Variants in LDLRAD3 observed in about 807,000 individuals in gnomAD.
LDLRAD3 encodes low-density lipoprotein receptor class A domain-containing protein 3.
A neutral mutation model predicts 29.4 loss-of-function variants in LDLRAD3; 20 were observed. That is an observed-to-expected ratio of 0.68 (90% CI 0.48 to 0.99). The LOEUF (loss-of-function observed/expected upper bound fraction) is 0.99. Ranked by LOEUF, LDLRAD3 falls within the 50% of genes least tolerant of loss-of-function variation. The probability of loss-of-function intolerance (pLI) is 0.00; values close to 1 mark genes in which losing one functional copy is unlikely to be tolerated. For missense variants in LDLRAD3, 420 were observed against 454.3 expected, an observed-to-expected ratio of 0.92 and a Z score of 0.69; for synonymous variants, 157 against 192.7, an observed-to-expected ratio of 0.81 and a Z score of 1.53.
chr11:36,060,075 C>T (rs1341543256), intron 2 of LDLRAD3, among the ~76,000 whole-genome samples: 1 of 152,198 alleles, frequency 6.6e-6, no homozygotes, highest in Admixed American at 6.5e-5. Flanking sequence ...TATAACTCAG[C>T]TGGGTGAGGT....
chr11:35,982,267 G>A lies in LDLRAD3; in HGVS notation c.46+38123G>A, dbSNP rs142535049. Among the ~76,000 whole-genome samples, 816 of 152,142 alleles carry A rather than the reference G, an allele frequency of 5.4e-3. 28 individuals are homozygous for A. The highest frequency in any genetic ancestry group is 0.046 in the Admixed American group (709 of 15,286). ...CCGTGGCTTTCTGGCACTCTTTGTC[G>A]TTCCTTGGGCAGCATTCCCTTGGTC... On this transcript the variant is annotated intron_variant, in intron 1 of 5. Transcript: ENST00000315571.
chr11:36,054,769 GGATA>G (rs1374797777), intron 2 of LDLRAD3, among the ~76,000 whole-genome samples: 4 of 151,224 alleles, frequency 2.6e-5, no homozygotes, highest in African/African-American at 4.9e-5. Flanking sequence ...ATGGATGGAT[GGATA>G]GATGGATGGA....
intron 4 of LDLRAD3, among the ~76,000 whole-genome samples, chr11:36,119,785 G>A (rs1461212721): frequency 2.0e-5 from 3 of 152,132 alleles, no homozygotes; most frequent in East Asian, 1.9e-4. Context: ...CTGAGTTGTC[G>A]TTTCACATTC....
chr11:35,979,324 C>T (rs1279036136), intron 1 of LDLRAD3, among the ~76,000 whole-genome samples: 2 of 152,160 alleles, frequency 1.3e-5, no homozygotes, highest in Non-Finnish European at 2.9e-5. Flanking sequence ...TGCAAAAAAA[C>T]ACTTAGCTGC....
chr11:36,025,564 A>G (rs1192370230), intron 1 of LDLRAD3, among the ~76,000 whole-genome samples: 2 of 150,940 alleles, frequency 1.3e-5, no homozygotes, highest in Admixed American at 1.3e-4. Flanking sequence ...AATTTTTTGT[A>G]TTTTTTAGTA....
intron 1 of LDLRAD3, among the ~76,000 whole-genome samples, chr11:36,015,361 T>G (rs899004673): frequency 1.4e-5 from 2 of 138,790 alleles, no homozygotes; most frequent in Non-Finnish European, 3.1e-5. Flanking sequence ...CCCTTGTCAT[T>G]GCATTGTGAA....
chr11:35,968,456 G>A, intron 1 of LDLRAD3: 1 of 376,632 alleles, frequency 2.7e-6, no homozygotes, highest in Middle Eastern at 4.3e-4. Flanking sequence ...GTGTGACACT[G>A]GAGTCCTCAA....
Position 36,229,497 on chromosome 11 carries a change from T to C in LDLRAD3, c.*100T>C. On this transcript the variant is annotated 3_prime_UTR_variant, in exon 6 of 6. Coordinates refer to ENST00000315571, the MANE Select transcript of LDLRAD3 (RefSeq NM_174902.4). ...GAAGCTCTTTAAGCACCTGTAAGGG[T>C]GTCTCAAGTTACAGTTTGGGATATT... 1.3e-6 allele frequency: 1 copy of C among 766,760 alleles called. No individual in the cohort carries two copies. Among genetic ancestry groups the C allele is most frequent in the Non-Finnish European group, 2.2e-6 (1 of 460,256 alleles). The allele number at this position is 766,760 out of a possible 1,614,324, so 47.5% of individuals were successfully genotyped here.
At chr11:36,221,907 C>G (rs58707777) in intron 4 of LDLRAD3, among the ~76,000 whole-genome samples, 10,206 of 152,114 alleles carry the variant, frequency 0.067, 442 homozygotes, top group East Asian at 0.2. Context: ...ATATCCTTCT[C>G]ATGGTTCCAT....
At chr11:35,987,348 C>T (rs1364553475) in intron 1 of LDLRAD3, among the ~76,000 whole-genome samples, 4 of 152,114 alleles carry the variant, frequency 2.6e-5, no homozygotes, top group Non-Finnish European at 5.9e-5. Flanking sequence ...CATGATTGAT[C>T]CCATCACCCA....
chr11:36,167,853 C>A (rs141977033), intron 4 of LDLRAD3, among the ~76,000 whole-genome samples: 1 of 152,292 alleles, frequency 6.6e-6, no homozygotes, highest in African/African-American at 2.4e-5. Flanking sequence ...CATCACAAAG[C>A]CAGAATGCTT....
intron 4 of LDLRAD3, among the ~76,000 whole-genome samples, chr11:36,157,709 C>G (rs1456129966): frequency 6.6e-6 from 1 of 152,142 alleles, no homozygotes; most frequent in Admixed American, 6.5e-5. Context: ...GATATAGCCC[C>G]TGGGTGGGAA....
chr11:36,122,884 C>T (rs1328696651), intron 4 of LDLRAD3, among the ~76,000 whole-genome samples: 1 of 152,000 alleles, frequency 6.6e-6, no homozygotes, highest in East Asian at 1.9e-4. Context: ...AATAAAATTT[C>T]ATACAAGGCT....
intron 2 of LDLRAD3, among the ~76,000 whole-genome samples, chr11:36,059,412 C>T (rs1010683132): frequency 2.0e-5 from 3 of 151,436 alleles, no homozygotes; most frequent in Non-Finnish European, 4.4e-5. Flanking sequence ...CTCATCACAG[C>T]TAGAATTCTG....
intron 4 of LDLRAD3, among the ~76,000 whole-genome samples, chr11:36,136,962 A>G (rs1455150821): frequency 6.6e-6 from 1 of 152,154 alleles, no homozygotes; most frequent in Non-Finnish European, 1.5e-5. Context: ...AAGTGCTGGG[A>G]TTACAGGCAT....
chr11:36,204,452 T>G (rs1373839021), intron 4 of LDLRAD3, among the ~76,000 whole-genome samples: 1 of 151,988 alleles, frequency 6.6e-6, no homozygotes, highest in Non-Finnish European at 1.5e-5. Context: ...TGCTCTTCTT[T>G]GGCATGTTGG....
At chr11:36,208,310 C>T (rs1381430783) in intron 4 of LDLRAD3, among the ~76,000 whole-genome samples, 3 of 152,224 alleles carry the variant, frequency 2.0e-5, no homozygotes, top group Non-Finnish European at 4.4e-5. Context: ...CTATAAAGAA[C>T]AGAAATTTGT....
chr11:36,226,077 A>ATAAG (rs1554975033), intron 4 of LDLRAD3, among the ~76,000 whole-genome samples: 1 of 151,836 alleles, frequency 6.6e-6, no homozygotes, highest in African/African-American at 2.4e-5. Context: ...AAATAAATAA[A>ATAAG]TAAATAAATA....
intron 2 of LDLRAD3, among the ~76,000 whole-genome samples, chr11:36,067,010 T>A (rs991878389): frequency 2.6e-5 from 4 of 152,202 alleles, no homozygotes; most frequent in Non-Finnish European, 4.4e-5. Flanking sequence ...TCTCCCAGAT[T>A]TCTGTACAAG....
Sources: allele counts gnomAD v4.1 joint callset (sites outside exome capture counted in the v4.1 genomes callset), GRCh38; gene constraint gnomAD v4.1.1; transcripts MANE v1.5; gene names NCBI Gene and HGNC (gene_info 2026-07-23, HGNC 2026-07-21).